Variants in PTPRR observed in about 807,000 individuals in gnomAD.
PTPRR encodes the protein protein tyrosine phosphatase receptor type R.
A neutral mutation model predicts 77.2 loss-of-function variants in PTPRR; 38 were observed. The ratio of observed to expected loss-of-function variants is 0.49; its 90% CI spans 0.38 to 0.65. The LOEUF is 0.65. Among genes scored for constraint, PTPRR ranks in the 30% least tolerant of loss-of-function variants. PTPRR has a pLI of 0.00. For missense variants in PTPRR, 744 were observed against 799.2 expected, an observed-to-expected ratio of 0.93 and a Z score of 0.83; for synonymous variants, 299 against 283.1, an observed-to-expected ratio of 1.06 and a Z score of -0.57.
At chr12:70,680,466 A>G (rs1371673575) in intron 10 of PTPRR, among the ~76,000 whole-genome samples, 1 of 152,168 alleles carries the variant, frequency 6.6e-6, no homozygotes, top group African/African-American at 2.4e-5. Context: ...ATGTGTGTGC[A>G]GTAGTGTAGT....
chr12:70,691,463 T>A (rs536325715), intron 8 of PTPRR, among the ~76,000 whole-genome samples: 2 of 152,304 alleles, frequency 1.3e-5, no homozygotes, highest in Admixed American at 1.3e-4. Flanking sequence ...TCTTTTATCC[T>A]CACTTGATAC....
At chr12:70,761,000 G>A (rs970158927) in intron 4 of PTPRR, among the ~76,000 whole-genome samples, 1 of 151,994 alleles carries the variant, frequency 6.6e-6, no homozygotes, top group African/African-American at 2.4e-5. Flanking sequence ...AGTTTCTTCA[G>A]AAAAAGAAAA....
chr12:70,667,892 ATT>A (rs1041489604), intron 10 of PTPRR, among the ~76,000 whole-genome samples: 1 of 151,780 alleles, frequency 6.6e-6, no homozygotes, highest in African/African-American at 2.4e-5. Flanking sequence ...CTTTTCATTC[ATT>A]TTCAAAGCAT....
At chr12:70,770,015 G>C (rs1890930905) in intron 2 of PTPRR, among the ~76,000 whole-genome samples, 1 of 151,884 alleles carries the variant, frequency 6.6e-6, no homozygotes, top group Non-Finnish European at 1.5e-5. Flanking sequence ...AATTCAAGAT[G>C]GAATAAAGAC....
intron 6 of PTPRR, among the ~76,000 whole-genome samples, chr12:70,708,914 C>T (rs1308206824): frequency 6.6e-6 from 1 of 151,660 alleles, no homozygotes; most frequent in Admixed American, 6.6e-5. Context: ...TACCAAAGAA[C>T]CCTTTTAATC....
At chr12:70,868,171 G>C (rs1892892319) in intron 2 of PTPRR, among the ~76,000 whole-genome samples, 1 of 152,040 alleles carries the variant, frequency 6.6e-6, no homozygotes, top group Admixed American at 6.6e-5. Context: ...GGCAATAAAA[G>C]ACAAAATTGA....
At chr12:70,719,307 T>C (rs2137537) in intron 6 of PTPRR, among the ~76,000 whole-genome samples, 73,919 of 151,868 alleles carry the variant, frequency 0.49, 19,038 homozygotes, top group Middle Eastern at 0.56. Context: ...CTGTCCTCGA[T>C]AAGGCATGCC....
intron 10 of PTPRR, among the ~76,000 whole-genome samples, chr12:70,676,520 T>C (rs1172441830): frequency 3.3e-5 from 5 of 152,036 alleles, no homozygotes; most frequent in Admixed American, 3.3e-4. Flanking sequence ...TGGTTGCTTG[T>C]ATGCCTCATA....
At chr12:70,870,461 C>T (rs1336485408) in intron 2 of PTPRR, among the ~76,000 whole-genome samples, 1 of 152,180 alleles carries the variant, frequency 6.6e-6, no homozygotes. Flanking sequence ...TTGCTATTAT[C>T]ACAAGATTAA....
At chr12:70,744,332 C>G (rs1164098526) in intron 6 of PTPRR, among the ~76,000 whole-genome samples, 1 of 152,064 alleles carries the variant, frequency 6.6e-6, no homozygotes, top group African/African-American at 2.4e-5. Flanking sequence ...CACACTGAAT[C>G]ACAAAAAGCA....
chr12:70,814,277 G>C (rs1291812177), intron 2 of PTPRR, among the ~76,000 whole-genome samples: 1 of 152,130 alleles, frequency 6.6e-6, no homozygotes, highest in Non-Finnish European at 1.5e-5. Flanking sequence ...ATGTTCTTGG[G>C]ATGAAAGTAA....
chr12:70,894,773 A>T (rs1044841922), intron 1 of PTPRR, among the ~76,000 whole-genome samples: 3 of 151,702 alleles, frequency 2.0e-5, no homozygotes, highest in African/African-American at 7.3e-5. Flanking sequence ...TCATTTCCAA[A>T]TCCGAGGAAC....
chr12:70,693,835 A>G (rs1420570837), intron 8 of PTPRR, among the ~76,000 whole-genome samples: 2 of 152,182 alleles, frequency 1.3e-5, no homozygotes, highest in African/African-American at 4.8e-5. Context: ...CTATACATAG[A>G]TGGTACCCCT....
At chr12:70,843,116 T>G (rs998093455) in intron 2 of PTPRR, among the ~76,000 whole-genome samples, 1 of 152,190 alleles carries the variant, frequency 6.6e-6, no homozygotes. Flanking sequence ...TGTCTGTCTT[T>G]GTATAATTGA....
intron 2 of PTPRR, among the ~76,000 whole-genome samples, chr12:70,840,940 C>T (rs1225317360): frequency 6.6e-6 from 1 of 150,492 alleles, no homozygotes; most frequent in Non-Finnish European, 1.5e-5. Context: ...TGTGGTAAGA[C>T]CAACTGTCTT....
chr12:70,719,786 AG>A (rs1889177881), intron 6 of PTPRR, among the ~76,000 whole-genome samples: 1 of 152,190 alleles, frequency 6.6e-6, no homozygotes, highest in African/African-American at 2.4e-5. Flanking sequence ...ACCTCTGCGA[AG>A]GGAGGCTTCG....
intron 2 of PTPRR, among the ~76,000 whole-genome samples, chr12:70,781,378 G>A (rs1194041851): frequency 6.6e-6 from 1 of 152,182 alleles, no homozygotes; most frequent in Non-Finnish European, 1.5e-5. Context: ...GCCAGATACT[G>A]CTGGAGGTTA....
At chr12:70,806,336 A>G (rs1891709131) in intron 2 of PTPRR, among the ~76,000 whole-genome samples, 1 of 152,156 alleles carries the variant, frequency 6.6e-6, no homozygotes, top group Admixed American at 6.6e-5. Flanking sequence ...GGCTACAGGA[A>G]AGTCTTGTTT....
At chr12:70,681,549 G>A (rs1326339113) in intron 10 of PTPRR, among the ~76,000 whole-genome samples, 1 of 152,202 alleles carries the variant, frequency 6.6e-6, no homozygotes, top group African/African-American at 2.4e-5. Flanking sequence ...GTGTGGCAGA[G>A]GCAGAGTGCT....
Sources: allele counts gnomAD v4.1 joint callset (sites outside exome capture counted in the v4.1 genomes callset), GRCh38; gene constraint gnomAD v4.1.1; transcripts MANE v1.5; gene names NCBI Gene and HGNC (gene_info 2026-07-23, HGNC 2026-07-21).